SLC6A11: variants seen among roughly 807,000 people sequenced by gnomAD.
SLC6A11 encodes sodium- and chloride-dependent GABA transporter 3.
SLC6A11 carries 25 observed loss-of-function variants against 74.8 expected under a neutral mutation model. That is an observed-to-expected ratio of 0.33 (90% CI 0.24 to 0.47). The LOEUF (loss-of-function observed/expected upper bound fraction) is 0.47. Ranked by LOEUF, SLC6A11 falls within the 20% of genes least tolerant of loss-of-function variation. The pLI, the probability that SLC6A11 is intolerant of heterozygous loss-of-function variation, is 1.00. For synonymous variants in SLC6A11, 330 were observed against 330.2 expected, an observed-to-expected ratio of 1.00 and a Z score of 0.01; for missense variants, 574 against 837.0, an observed-to-expected ratio of 0.69 and a Z score of 3.88.
chr3:10,829,236 G>A (rs772347704), intron 4 of SLC6A11, among the ~76,000 whole-genome samples: 2 of 152,246 alleles, frequency 1.3e-5, no homozygotes, highest in Non-Finnish European at 2.9e-5. Context: ...CCAGGCTGCT[G>A]TGAGGATTAA....
At chr3:10,902,187 C>G (rs897750795) in intron 6 of SLC6A11, among the ~76,000 whole-genome samples, 2 of 152,190 alleles carry the variant, frequency 1.3e-5, no homozygotes, top group Non-Finnish European at 2.9e-5. Context: ...AAGCTCTGAT[C>G]TGGCTTCTTG....
chr3:10,856,976 A>G (rs1559561747), intron 5 of SLC6A11, among the ~76,000 whole-genome samples: 1 of 152,228 alleles, frequency 6.6e-6, no homozygotes, highest in Non-Finnish European at 1.5e-5. Context: ...GCTTGCATAC[A>G]GGGAACACCC....
At chr3:10,933,762 TCCCCA>T (rs1695721582) in intron 11 of SLC6A11, among the ~76,000 whole-genome samples, 2 of 152,086 alleles carry the variant, frequency 1.3e-5, no homozygotes, top group Non-Finnish European at 1.5e-5. Flanking sequence ...AAAATCCTCA[TCCCCA>T]CCCCTGATTG....
intron 6 of SLC6A11, among the ~76,000 whole-genome samples, chr3:10,890,689 A>G (rs1459288696): frequency 6.6e-6 from 1 of 152,244 alleles, no homozygotes; most frequent in Non-Finnish European, 1.5e-5. Context: ...ATTTCACAAC[A>G]TGCTGTACTG....
chr3:10,886,492 C>T (rs1444294341), intron 6 of SLC6A11, among the ~76,000 whole-genome samples: 1 of 152,180 alleles, frequency 6.6e-6, no homozygotes, highest in Admixed American at 6.5e-5. Flanking sequence ...AGTCAGGTCA[C>T]CTCTGACCAC....
intron 13 of SLC6A11, among the ~76,000 whole-genome samples, chr3:10,936,756 C>T (rs1226684693): frequency 6.6e-6 from 1 of 152,176 alleles, no homozygotes. Context: ...CACTGGAAGA[C>T]CCCTGCCCAA....
At chr3:10,890,648 G>A (rs1001769651) in intron 6 of SLC6A11, among the ~76,000 whole-genome samples, 2 of 152,162 alleles carry the variant, frequency 1.3e-5, no homozygotes, top group Non-Finnish European at 2.9e-5. Context: ...TTTTGATTCT[G>A]CCTTATTACT....
intron 4 of SLC6A11, among the ~76,000 whole-genome samples, chr3:10,841,851 A>G (rs936101123): frequency 1.3e-5 from 2 of 152,188 alleles, no homozygotes; most frequent in Non-Finnish European, 2.9e-5. Flanking sequence ...GTGCATGTGC[A>G]TACGCGTGCA....
rs752980967 is a variant in SLC6A11, at chr3:10,935,109, C to T, written c.1656C>T (p.Gly552=). 6.2e-6 allele frequency: 10 copies of T among 1,613,900 alleles called. No individual in the cohort carries two copies. The highest frequency in any genetic ancestry group is 8.5e-6 in the Non-Finnish European group (10 of 1,179,842). Reference sequence around the variant, plus strand: ...ACACCTACCCAGCCTGGGGCTATGGCATTGGCTGGCTCATGGCCCTGTCCT... The same window carrying T: ...ACACCTACCCAGCCTGGGGCTATGGTATTGGCTGGCTCATGGCCCTGTCCT... ...NIYTYPAWGY[G]IGWLMALSSM... is the part of the protein sequence containing the mutation. The change falls in exon 13 of 14, where the codon GGC becomes GGT. Residue 552 remains glycine, a synonymous_variant. Transcript: ENST00000254488.
rs79268961 is a variant in SLC6A11, at chr3:10,920,705, C to T, written c.1120+2252C>T. ...GGCACTATTCACACAGCAGTCCTAG[C>T]TTTTACAGTGCCTATCACAGACGAG... On this transcript the variant is annotated intron_variant, in intron 8 of 13. Transcript: ENST00000254488. 0.012 allele frequency among the ~76,000 whole-genome samples: 1,824 copies of T among 152,342 alleles called. 65 individuals carry two copies. In the East Asian group the frequency reaches 0.16, roughly 13 times the overall value.
At chr3:10,894,634 G>T (rs1380333290) in intron 6 of SLC6A11, among the ~76,000 whole-genome samples, 1 of 152,210 alleles carries the variant, frequency 6.6e-6, no homozygotes, top group Admixed American at 6.5e-5. Flanking sequence ...TGGTTCCCAG[G>T]GACTGGGTGG....
chr3:10,938,555 C>A lies in SLC6A11; in HGVS notation c.*153C>A. On this transcript the variant is annotated 3_prime_UTR_variant, in exon 14 of 14. Transcript: ENST00000254488. ...ATTTTAAGGTGGCCACTGTACACTG[C>A]TCTAAAGTCATATCCCCTCCCCGCC... is the stretch of plus-strand genomic sequence containing the variant. The A allele has an allele frequency of 2.9e-6, 2 of 682,108 alleles. No individual in the cohort carries two copies. Among genetic ancestry groups the A allele is most frequent in the Non-Finnish European group, 4.6e-6 (2 of 431,426 alleles). 42.3% of individuals were successfully genotyped at this position (682,108 alleles called of 1,614,324 possible).
chr3:10,939,908 G>A lies in SLC6A11; in HGVS notation c.*1506G>A, dbSNP rs1695805328. Reference sequence around the variant, plus strand: ...CTCTGCCTTGGTTTCTGAGCTATATGAGGGTGGGGAAGGCACACTCTTTTT... The same window carrying A: ...CTCTGCCTTGGTTTCTGAGCTATATAAGGGTGGGGAAGGCACACTCTTTTT... On this transcript the variant is annotated 3_prime_UTR_variant, in exon 14 of 14. Transcript: ENST00000254488. The A allele has an allele frequency of 1.3e-5, 2 of 151,864 alleles. No individual in the cohort carries two copies. The highest frequency in any genetic ancestry group is 6.6e-5 in the Admixed American group (1 of 15,256). 9.4% of individuals were successfully genotyped at this position (151,864 alleles called of 1,614,324 possible).
intron 6 of SLC6A11, among the ~76,000 whole-genome samples, chr3:10,888,134 C>G (rs1332787761): frequency 6.6e-6 from 1 of 152,244 alleles, no homozygotes; most frequent in African/African-American, 2.4e-5. Flanking sequence ...GCCTGCTCTT[C>G]ATTCTCCACT....
Position 10,926,079 on chromosome 3 carries a change from T to C in SLC6A11, c.1196T>C (p.Phe399Ser). 1 of 1,613,604 alleles carries C rather than the reference T, an allele frequency of 6.2e-7. No homozygotes were observed. The highest frequency in any genetic ancestry group is 8.5e-7 in the Non-Finnish European group (1 of 1,179,618). ...MPLSPLWATLFFMMLIFLGLD... is the reference protein window; with the variant it reads ...MPLSPLWATLSFMMLIFLGLD... ...CTCTCCCCGCTGTGGGCCACCTTGTTCTTCATGATGCTCATCTTCCTGGGC... is the reference window on the plus strand; with the variant it reads ...CTCTCCCCGCTGTGGGCCACCTTGTCCTTCATGATGCTCATCTTCCTGGGC... The change falls in exon 9 of 14, where the codon TTC (phenylalanine) becomes TCC (serine). Residue 399 changes from phenylalanine (F) to serine (S), a missense_variant. By Grantham distance (155) the Phe-to-Ser change is radical. Coordinates refer to ENST00000254488, the MANE Select transcript of SLC6A11 (RefSeq NM_014229.3). This position sits in a 1 kb window ranked among gnomAD's most constrained non-coding sequence, Gnocchi z 5.7.
At chr3:10,910,904 C>A (rs974126194) in intron 6 of SLC6A11, among the ~76,000 whole-genome samples, 1 of 146,504 alleles carries the variant, frequency 6.8e-6, no homozygotes, top group Admixed American at 7.1e-5. Context: ...CTCACTGTAA[C>A]CTTCACCTCC....
At chr3:10,901,536 A>C (rs1234008139) in intron 6 of SLC6A11, among the ~76,000 whole-genome samples, 1 of 152,196 alleles carries the variant, frequency 6.6e-6, no homozygotes, top group Admixed American at 6.5e-5. Context: ...CCAGAGCGAG[A>C]GGCTGCAGAA....
At chr3:10,923,510 C>G (rs1005314064) in intron 8 of SLC6A11, among the ~76,000 whole-genome samples, 1 of 152,054 alleles carries the variant, frequency 6.6e-6, no homozygotes, top group Non-Finnish European at 1.5e-5. Flanking sequence ...TCCACATTCA[C>G]ATATATAAAT....
intron 4 of SLC6A11, among the ~76,000 whole-genome samples, chr3:10,828,489 G>T (rs907131697): frequency 6.6e-6 from 1 of 152,146 alleles, no homozygotes; most frequent in Non-Finnish European, 1.5e-5. Context: ...GTGAAGGTTG[G>T]TTCTTTCTGT....
Sources: gnomAD v4.1 joint callset for allele counts (sites outside exome capture counted in the v4.1 genomes callset) on GRCh38, gnomAD v4.1.1 for gene constraint, Gnocchi (gnomAD v3.1) non-coding constraint, MANE v1.5 for transcripts, NCBI Gene and HGNC (gene_info 2026-07-23, HGNC 2026-07-21) for gene names.